CEP170B: variants seen among roughly 807,000 people sequenced by gnomAD.
The protein encoded by CEP170B is centrosomal protein of 170 kDa protein B.
Under a neutral mutation model 120.6 loss-of-function variants are expected in CEP170B, and 55 were observed. That is an observed-to-expected ratio of 0.46 (90% CI 0.37 to 0.57). CEP170B has a LOEUF of 0.57. Ranked by LOEUF, CEP170B falls within the 20% of genes least tolerant of loss-of-function variation. The pLI, the probability that CEP170B is intolerant of heterozygous loss-of-function variation, is 0.00. For missense variants in CEP170B, 2,212 were observed against 2,253.3 expected, an observed-to-expected ratio of 0.98 and a Z score of 0.37; for synonymous variants, 1,033 against 954.5, an observed-to-expected ratio of 1.08 and a Z score of -1.52.
intron 4 of CEP170B, 125 bp from the exon 5 acceptor site, chr14:104,878,318 A>AGC: frequency 1.0e-6 from 1 of 957,798 alleles, no homozygotes; most frequent in Admixed American, 2.0e-5. Flanking sequence ...CCTCCCCGGG[A>AGC]AGAAAGAGGC....
chr14:104,882,586 G>A, intron 6 of CEP170B, 142 bp from the exon 7 acceptor site: 2 of 601,484 alleles, frequency 3.3e-6, no homozygotes, highest in Non-Finnish European at 2.9e-6. Flanking sequence ...ACAGAGGCGG[G>A]GCCCTGGGCT....
At position 104,877,901 on chromosome 14, in the gene CEP170B, T is replaced by A; in HGVS notation, c.212T>A (p.Met71Lys). 1.5e-6 allele frequency: 2 copies of A among 1,338,238 alleles called. No individual in the cohort carries two copies. Among genetic ancestry groups the A allele is most frequent in the Non-Finnish European group, 2.0e-6 (2 of 999,634 alleles). 82.9% of individuals were successfully genotyped at this position (1,338,238 alleles called of 1,614,324 possible). ...GSLNGTFVND[M>K]RIPDQKYVTL... is the part of the protein sequence containing the mutation. ...TTCCTGCAGACGTTTGTGAATGACATGCGCATCCCGGACCAGAAGTACGTC... is the reference window on the plus strand; with the variant it reads ...TTCCTGCAGACGTTTGTGAATGACAAGCGCATCCCGGACCAGAAGTACGTC... Residue 71 changes from methionine (M) to lysine (K), a missense_variant, in exon 4 of 19, where the codon ATG (methionine) becomes AAG (lysine). Around this residue, in one of 2 missense-constraint regions of CEP170B, gnomAD observed 2,166 missense variants for 2,166.7 expected, o/e 1.00. Transcript: ENST00000414716.
intron 10 of CEP170B, 67 bp from the exon 11 acceptor site, chr14:104,885,973 C>G (rs1342499934): frequency 2.1e-5 from 30 of 1,397,230 alleles, no homozygotes; most frequent in Non-Finnish European, 2.9e-5. Context: ...CCCTCCTGTT[C>G]CCTGGCACCC....
At chr14:104,880,854 C>T (rs1251342703) in intron 6 of CEP170B, among the ~76,000 whole-genome samples, 1 of 151,590 alleles carries the variant, frequency 6.6e-6, no homozygotes, top group East Asian at 1.9e-4. Flanking sequence ...CACCCCTGTA[C>T]ACACATCTAC....
intron 2 of CEP170B, among the ~76,000 whole-genome samples, chr14:104,874,717 CT>C (rs1410787715): frequency 2.6e-5 from 4 of 151,660 alleles, no homozygotes; most frequent in Admixed American, 1.3e-4. Flanking sequence ...AGTCCTCCCC[CT>C]GGTCCTCCAC....
At position 104,893,028 on chromosome 14, in the gene CEP170B, G is replaced by T; in HGVS notation, c.3931G>T (p.Asp1311Tyr). The part of the protein sequence containing the change: ...DVAILAQEIH[D>Y]VAGDGDTLGS... The stretch of plus-strand genomic sequence containing the variant: ...GGCCATCCTAGCCCAGGAGATCCAC[G>T]ATGTGGCTGGGGACGGTGACACACT... Residue 1311 changes from aspartate (D) to tyrosine (Y), a missense_variant, in exon 14 of 19, where the codon GAT (aspartate) becomes TAT (tyrosine). Coordinates refer to ENST00000414716, the MANE Select transcript of CEP170B (RefSeq NM_001112726.3). The T allele has an allele frequency of 6.3e-7, 1 of 1,589,920 alleles. No homozygotes were observed.
chr14:104,886,256 C>T lies in CEP170B; in HGVS notation c.2036-19C>T. 6.7e-7 allele frequency: 1 copy of T among 1,500,518 alleles called. No individual in the cohort carries two copies. Among genetic ancestry groups the T allele is most frequent in the Non-Finnish European group, 8.9e-7 (1 of 1,128,792 alleles). The allele number at this position is 1,500,518 out of a possible 1,614,324, so 93.0% of individuals were successfully genotyped here. A position where few individuals can be genotyped will look rare whatever the true frequency, so the allele number is the denominator to read the frequency against. On this transcript the variant is annotated intron_variant, in intron 11 of 18. Coordinates refer to ENST00000414716, the MANE Select transcript of CEP170B (RefSeq NM_001112726.3). ...TGCAGACCAGCGGCCCTCTAACCGG[C>T]TGCCTTTGTGCTCCACAGAGGATGG...
In CEP170B at chr14:104,884,415, G is replaced by A. The variant is rs750638092; in HGVS notation, c.1636G>A (p.Ala546Thr). ...CGTGGGCCCCCCGACCCCACCGCCC[G>A]CCCCCACGGACCCCCAGCTGACCAA... ...SPVGPPTPPP[A>T]PTDPQLTKAR... The change falls in exon 9 of 19, where the codon GCC becomes ACC. Residue 546 changes from alanine (A) to threonine (T), a missense_variant. By Grantham distance (58) the Ala-to-Thr change is moderately conservative (BLOSUM62 0). Around this residue, in one of 2 missense-constraint regions of CEP170B, gnomAD observed 2,166 missense variants for 2,166.7 expected, o/e 1.00. Coordinates refer to ENST00000414716, the MANE Select transcript of CEP170B (RefSeq NM_001112726.3). 61 of 764,316 alleles carry A rather than the reference G, an allele frequency of 8.0e-5. No individual in the cohort carries two copies. Among genetic ancestry groups the A allele is most frequent in the Non-Finnish European group, 1.1e-4 (52 of 493,398 alleles). The allele number at this position is 764,316 out of a possible 1,614,324, so 47.3% of individuals were successfully genotyped here.
In CEP170B at chr14:104,883,862, C is replaced by T. The variant is rs1265231565; in HGVS notation, c.1083C>T (p.Asp361=). The change falls in exon 9 of 19, where the codon GAC becomes GAT. Residue 361 remains aspartate, a synonymous_variant. Coordinates refer to ENST00000414716, the MANE Select transcript of CEP170B (RefSeq NM_001112726.3). Reference sequence around the variant, plus strand: ...AGCACGAGGACGGCACGCAGAGTGACTCAGAGGACCCCCTGGCCAAGGCGG... The same window carrying T: ...AGCACGAGGACGGCACGCAGAGTGATTCAGAGGACCCCCTGGCCAAGGCGG... The part of the protein sequence containing the change: ...GHKHEDGTQS[D]SEDPLAKAAS... 3 of 1,571,346 alleles carry T rather than the reference C, an allele frequency of 1.9e-6. No homozygotes were observed. Among genetic ancestry groups the T allele is most frequent in the Non-Finnish European group, 2.6e-6 (3 of 1,159,156 alleles).
At chr14:104,878,018 AC>A (rs1432160026) in intron 4 of CEP170B, 55 bp downstream of exon 4, 1 of 1,374,720 alleles carries the variant, frequency 7.3e-7, no homozygotes, top group African/African-American at 1.4e-5. Context: ...CCCCAGGACC[AC>A]AGTCACCCTG....
At chr14:104,877,567 A>G (rs1228498785) in intron 3 of CEP170B, among the ~76,000 whole-genome samples, 3 of 152,180 alleles carry the variant, frequency 2.0e-5, no homozygotes, top group Non-Finnish European at 4.4e-5. Flanking sequence ...ACGAGGCTGT[A>G]TGGGTGAGAG....
intron 9 of CEP170B, 125 bp from the exon 10 acceptor site, chr14:104,885,244 C>A: frequency 1.8e-6 from 2 of 1,096,858 alleles, no homozygotes; most frequent in Non-Finnish European, 2.5e-6. Context: ...CATGTCCCGG[C>A]CACCAGCCAC....
intron 12 of CEP170B, 100 bp from the exon 13 acceptor site, chr14:104,889,520 A>G: frequency 6.3e-7 from 1 of 1,582,444 alleles, no homozygotes; most frequent in Non-Finnish European, 8.5e-7. Flanking sequence ...CCAAGACACG[A>G]GGCGCCGGCA....
At position 104,894,740 on chromosome 14, in the gene CEP170B, A is replaced by G; in HGVS notation, c.4447A>G (p.Ser1483Gly). Reference sequence around the variant, plus strand: ...CAATGCCATCGTGGACCCCAGTGGGAGCCTGGACCTGCTCACAGGAAACAG... The same window carrying G: ...CAATGCCATCGTGGACCCCAGTGGGGGCCTGGACCTGCTCACAGGAAACAG... ...VINAIVDPSG[S>G]LDLLTGNRSL... The change falls in exon 19 of 19, where the codon AGC (serine) becomes GGC (glycine). Residue 1483 changes from serine to glycine, a missense_variant. Coordinates refer to ENST00000414716, the MANE Select transcript of CEP170B (RefSeq NM_001112726.3). The G allele has an allele frequency of 6.3e-7, 1 of 1,592,114 alleles. No individual in the cohort carries two copies. The highest frequency in any genetic ancestry group is 8.6e-7 in the Non-Finnish European group (1 of 1,168,486).
At chr14:104,889,091 G>T (rs1412214521) in intron 12 of CEP170B, among the ~76,000 whole-genome samples, 2 of 152,256 alleles carry the variant, frequency 1.3e-5, no homozygotes, top group Non-Finnish European at 2.9e-5. Flanking sequence ...AGCAGGGAGG[G>T]ACTGCAGTGG....
intron 2 of CEP170B, among the ~76,000 whole-genome samples, chr14:104,872,415 TGGGTGTGCCGTGC>T: frequency 5.7e-5 from 7 of 122,912 alleles, no homozygotes; most frequent in African/African-American, 2.2e-4. Context: ...GGGTGTGCCG[TGGGTGTGCCGTGC>T]GTGTGTGCGT....
intron 14 of CEP170B, 57 bp downstream of exon 14, chr14:104,893,192 G>T: frequency 1.3e-6 from 2 of 1,550,048 alleles, no homozygotes; most frequent in Non-Finnish European, 8.7e-7. Flanking sequence ...GGAGGGTCAG[G>T]CCAGGTCCCC....
chr14:104,886,608 G>T lies in CEP170B; in HGVS notation c.2369G>T (p.Gly790Val). The change falls in exon 12 of 19, where the codon GGG becomes GTG. Residue 790 changes from glycine to valine, a missense_variant. By Grantham distance (109) the Gly-to-Val change is moderately radical (BLOSUM62 -3). Around this residue, in one of 2 missense-constraint regions of CEP170B, gnomAD observed 2,166 missense variants for 2,166.7 expected, o/e 1.00. Coordinates refer to ENST00000414716, the MANE Select transcript of CEP170B (RefSeq NM_001112726.3). ...GGTCGGCGCTCACCAAGGGCCCCCG[G>T]GGAGCCAACTCCCGCCTCTTTCTTC... ...SRGRRSPRAP[G>V]EPTPASFFIG... The T allele has an allele frequency of 6.6e-7, 1 of 1,519,668 alleles. No homozygotes were observed. Among genetic ancestry groups the T allele is most frequent in the Non-Finnish European group, 8.8e-7 (1 of 1,136,570 alleles). The allele number at this position is 1,519,668 out of a possible 1,614,324, so 94.1% of individuals were successfully genotyped here. A position where few individuals can be genotyped will look rare whatever the true frequency, so the allele number is the denominator to read the frequency against.
chr14:104,876,978 C>T (rs1201021285), intron 3 of CEP170B, among the ~76,000 whole-genome samples: 4 of 152,160 alleles, frequency 2.6e-5, no homozygotes, highest in African/African-American at 7.2e-5. Context: ...TCTCTGGGGG[C>T]GTGTGTCTGT....
Sources: allele counts gnomAD v4.1 joint callset (sites outside exome capture counted in the v4.1 genomes callset), GRCh38; gene constraint gnomAD v4.1.1; regional missense constraint gnomAD v4.1.1; transcripts MANE v1.5; gene names NCBI Gene and HGNC (gene_info 2026-07-23, HGNC 2026-07-21).